Variants in CCDC14 observed in about 807,000 individuals in gnomAD.
CCDC14 encodes coiled-coil domain-containing protein 14.
A neutral mutation model predicts 81.4 loss-of-function variants in CCDC14; 71 were observed. That is an observed-to-expected ratio of 0.87 (90% CI 0.72 to 1.06). The LOEUF is 1.06. CCDC14 is among the 50% of genes least tolerant of loss of function. The probability of loss-of-function intolerance (pLI) is 0.00; values close to 1 mark genes in which losing one functional copy is unlikely to be tolerated. For synonymous variants in CCDC14, 332 were observed against 364.8 expected (o/e 0.91, Z 1.03); for missense variants, 1,046 against 1,047.3 (o/e 1.00, Z 0.02).
intron 12 of CCDC14, among the ~76,000 whole-genome samples, chr3:123,926,377 C>T (rs1195215469): frequency 6.6e-6 from 1 of 151,736 alleles, no homozygotes; most frequent in African/African-American, 2.4e-5. Context: ...GCTAAAGACA[C>T]TGATTTTTAA....
chr3:123,927,073 T>C (rs2035406491), intron 12 of CCDC14, among the ~76,000 whole-genome samples: 3 of 151,996 alleles, frequency 2.0e-5, no homozygotes. Context: ...TGTGGATGAA[T>C]TTAGATATAA....
chr3:123,951,799 T>TA (rs1183989157), intron 5 of CCDC14, among the ~76,000 whole-genome samples: 4 of 152,220 alleles, frequency 2.6e-5, no homozygotes, highest in Non-Finnish European at 5.9e-5. Context: ...CATAAATTAA[T>TA]AAATTCCAAA....
chr3:123,899,002 G>A (rs540994215), intron 5 of CCDC14, among the ~76,000 whole-genome samples: 4 of 151,462 alleles, frequency 2.6e-5, no homozygotes, highest in African/African-American at 4.8e-5. Flanking sequence ...TTACAGGCCT[G>A]ATCCACCATG....
chr3:123,922,010 G>C (rs778021159), intron 12 of CCDC14, among the ~76,000 whole-genome samples: 4 of 152,128 alleles, frequency 2.6e-5, no homozygotes, highest in Admixed American at 6.5e-5. Context: ...AATTTAAGGA[G>C]ACTAGAATCA....
At chr3:123,927,624 A>C in intron 12 of CCDC14, among the ~76,000 whole-genome samples, 1 of 152,202 alleles carries the variant, frequency 6.6e-6, no homozygotes. Flanking sequence ...TATGCCCAGC[A>C]TAAAAACGTG....
downstream of CCDC14, among the ~76,000 whole-genome samples, chr3:123,909,187 G>T (rs1239413084): frequency 6.6e-6 from 1 of 152,110 alleles, no homozygotes; most frequent in Non-Finnish European, 1.5e-5. Flanking sequence ...TGGAAAGGAT[G>T]GTGGGATGAA....
rs149616600 is a variant in CCDC14 at position 123,921,090 on chromosome 3, C to A, written c.1779-5372G>T. On this transcript the variant is annotated intron_variant, in intron 12 of 12. Coordinates refer to ENST00000409697, the MANE Select transcript of CCDC14 (RefSeq NM_001366335.1). ...GAAAAGGATTCAAAGCATACCATTACAGAAAACCATCAAACCACAAAGGAA... is the reference window on the plus strand; with the variant it reads ...GAAAAGGATTCAAAGCATACCATTAAAGAAAACCATCAAACCACAAAGGAA... Among the ~76,000 whole-genome samples, 49 of 152,138 alleles carry A rather than the reference C, an allele frequency of 3.2e-4. No individual in the cohort carries two copies. The East Asian group carries it at 8.7e-3, about 27-fold the overall frequency.
chr3:123,925,203 A>C (rs2035293225), intron 12 of CCDC14, among the ~76,000 whole-genome samples: 1 of 152,118 alleles, frequency 6.6e-6, no homozygotes, highest in Non-Finnish European at 1.5e-5. Flanking sequence ...GGACATCCAT[A>C]TGTTAAGTGA....
At chr3:123,923,833 T>C (rs1373322363) in intron 12 of CCDC14, among the ~76,000 whole-genome samples, 1 of 151,570 alleles carries the variant, frequency 6.6e-6, no homozygotes, top group Non-Finnish European at 1.5e-5. Context: ...GTGCTCATGA[T>C]TGGAAGAAAT....
chr3:123,950,009 C>T (rs916976340), intron 5 of CCDC14, among the ~76,000 whole-genome samples: 4 of 152,164 alleles, frequency 2.6e-5, no homozygotes, highest in African/African-American at 7.2e-5. Flanking sequence ...AGTCTATGAA[C>T]AAGGTAGAAA....
chr3:123,919,476 T>C (rs2034912431), intron 12 of CCDC14, among the ~76,000 whole-genome samples: 1 of 152,046 alleles, frequency 6.6e-6, no homozygotes, highest in Non-Finnish European at 1.5e-5. Flanking sequence ...TAAACAGCAG[T>C]AGCACTCAGC....
Position 123,914,972 on chromosome 3 carries a change from C to T in CCDC14, c.2525G>A (p.Ser842Asn), listed in dbSNP as rs750679800. Residue 842 changes from serine to asparagine, a missense_variant, in exon 13 of 13, where the codon AGC becomes AAC. By Grantham distance (46) the Ser-to-Asn change is conservative. Coordinates refer to ENST00000409697, the MANE Select transcript of CCDC14 (RefSeq NM_001366335.1). ...CHGPSGCLSNSLQVKGNTVCD... is the reference protein window; with the variant it reads ...CHGPSGCLSNNLQVKGNTVCD... ...GACAGTATTGCCTTTCACTTGAAGG[C>T]TGTTGCTAAGACAACCTGATGGGCC... The T allele has an allele frequency of 5.0e-6, 8 of 1,614,012 alleles. No homozygotes were observed. Among genetic ancestry groups the T allele is most frequent in the Non-Finnish European group, 6.8e-6 (8 of 1,179,856 alleles).
intron 12 of CCDC14, among the ~76,000 whole-genome samples, chr3:123,927,742 G>C (rs1296192455): frequency 6.6e-6 from 1 of 151,786 alleles, no homozygotes. Flanking sequence ...AAGGCAAATA[G>C]CAAGAATTAA....
intron 10 of CCDC14, 80 bp from the exon 11 acceptor site, chr3:123,931,606 A>C (rs1481541696): frequency 0.012 from 7,750 of 626,214 alleles, 15 homozygotes; most frequent in Middle Eastern, 0.017. Flanking sequence ...TTCTTAAAAA[A>C]AAAAAAAAAA....
the CCDC14 span, among the ~76,000 whole-genome samples, chr3:123,891,997 G>T: frequency 6.8e-6 from 1 of 147,354 alleles, no homozygotes; most frequent in Non-Finnish European, 1.5e-5. Context: ...ATGGATGGCC[G>T]CAGGCAAAGA....
In CCDC14 at chr3:123,905,582, C is replaced by T. The variant is rs550009333; in HGVS notation, c.668-7969G>A. On this transcript the variant is annotated intron_variant, in intron 5 of 5. Coordinates refer to the CCDC14 transcript ENST00000479903. ...AAAGATACAGGAAACAGGGAATGATCAAACCCAGACTGAAGTAACAGAGGT... is the reference window on the plus strand; with the variant it reads ...AAAGATACAGGAAACAGGGAATGATTAAACCCAGACTGAAGTAACAGAGGT... Among the ~76,000 whole-genome samples, 9 of 152,294 alleles carry T rather than the reference C, an allele frequency of 5.9e-5. No individual in the cohort carries two copies. In the East Asian group the frequency reaches 1.4e-3, roughly 23 times the overall value.
the CCDC14 span, among the ~76,000 whole-genome samples, chr3:123,887,464 G>T: frequency 9.0e-6 from 1 of 110,602 alleles, no homozygotes; most frequent in African/African-American, 4.1e-5. Flanking sequence ...CAGCTGGGTT[G>T]CTATAACAAC....
intron 5 of CCDC14, among the ~76,000 whole-genome samples, chr3:123,904,373 TG>T (rs1426599998): frequency 1.3e-5 from 2 of 151,902 alleles, no homozygotes; most frequent in African/African-American, 4.8e-5. Flanking sequence ...AGGTTACAGG[TG>T]TGTGGCTAGG....
At chr3:123,947,907 C>A (rs1348621634) in intron 7 of CCDC14, among the ~76,000 whole-genome samples, 1 of 151,624 alleles carries the variant, frequency 6.6e-6, no homozygotes, top group African/African-American at 2.4e-5. Flanking sequence ...ATGGTATATC[C>A]AAAAAATACA....
Sources: gnomAD v4.1 joint callset for allele counts (sites outside exome capture counted in the v4.1 genomes callset) on GRCh38, gnomAD v4.1.1 for gene constraint, MANE v1.5 for transcripts, NCBI Gene and HGNC (gene_info 2026-07-23, HGNC 2026-07-21) for gene names.